ADAMTS17: variants seen among roughly 807,000 people sequenced by gnomAD.
The protein encoded by ADAMTS17 is A disintegrin and metalloproteinase with thrombospondin motifs 17.
A neutral mutation model predicts 141.5 loss-of-function variants in ADAMTS17; 113 were observed. The ratio of observed to expected loss-of-function variants is 0.80; its 90% confidence interval spans 0.69 to 0.93. The LOEUF is 0.93. Among genes scored for constraint, ADAMTS17 ranks in the 40% least tolerant of loss-of-function variants. The probability of loss-of-function intolerance (pLI) is 0.00; values close to 1 mark genes in which losing one functional copy is unlikely to be tolerated. For missense variants in ADAMTS17, 1,659 were observed against 1,517.9 expected (o/e 1.09, Z -1.54); for synonymous variants, 768 against 630.6 (o/e 1.22, Z -3.27).
intron 7 of ADAMTS17, among the ~76,000 whole-genome samples, chr15:100,210,035 C>T (rs1464734087): frequency 6.6e-6 from 1 of 151,994 alleles, no homozygotes; most frequent in Non-Finnish European, 1.5e-5. Context: ...GAGATCAAGA[C>T]CATCCTGGCT....
At chr15:100,199,197 T>C (rs1163596986) in intron 8 of ADAMTS17, 121 bp downstream of exon 8, 12 of 940,730 alleles carry the variant, frequency 1.3e-5, no homozygotes, top group South Asian at 1.2e-4. Context: ...CCTGGGTCCT[T>C]TATTGCAGAT....
At chr15:100,100,969 C>A (rs373654006) in intron 14 of ADAMTS17, among the ~76,000 whole-genome samples, 1 of 151,940 alleles carries the variant, frequency 6.6e-6, no homozygotes, top group African/African-American at 2.4e-5. Context: ...AGGTGGGCAA[C>A]CAGAATAGCC....
chr15:100,301,566 A>G (rs1271779704), intron 3 of ADAMTS17, among the ~76,000 whole-genome samples: 1 of 145,866 alleles, frequency 6.9e-6, no homozygotes, highest in African/African-American at 2.6e-5. Flanking sequence ...TGATCTCCTG[A>G]TGTTGTGATC....
intron 15 of ADAMTS17, among the ~76,000 whole-genome samples, chr15:100,060,873 C>T (rs1428875657): frequency 6.6e-6 from 1 of 152,220 alleles, no homozygotes; most frequent in Non-Finnish European, 1.5e-5. Context: ...CAAAGTTACA[C>T]TGGGTTGACT....
chr15:99,988,852 G>A (rs1332720038), intron 20 of ADAMTS17, among the ~76,000 whole-genome samples: 4 of 152,230 alleles, frequency 2.6e-5, no homozygotes, highest in Non-Finnish European at 4.4e-5. Flanking sequence ...AGTGAGCCAC[G>A]TGATGCATGA....
intron 12 of ADAMTS17, among the ~76,000 whole-genome samples, chr15:100,118,628 G>A (rs2037287884): frequency 6.6e-6 from 1 of 152,188 alleles, no homozygotes; most frequent in African/African-American, 2.4e-5. Context: ...TTAGGCAGAA[G>A]GGGCCTCGGA....
intron 15 of ADAMTS17, among the ~76,000 whole-genome samples, 168 bp downstream of exon 15, chr15:100,096,188 T>G (rs2035745493): frequency 6.6e-6 from 1 of 152,236 alleles, no homozygotes; most frequent in African/African-American, 2.4e-5. Context: ...GCATCATTCT[T>G]GCTAAAATGT....
chr15:100,222,830 C>G (rs1171710100), intron 7 of ADAMTS17, among the ~76,000 whole-genome samples: 2 of 152,160 alleles, frequency 1.3e-5, no homozygotes, highest in East Asian at 3.8e-4. Context: ...TAAGAGTGAC[C>G]AACTCGAATG....
intron 20 of ADAMTS17, among the ~76,000 whole-genome samples, chr15:99,981,405 C>T (rs1441071117): frequency 2.6e-5 from 4 of 152,152 alleles, no homozygotes; most frequent in Admixed American, 1.3e-4. Flanking sequence ...AGGGCTCTGC[C>T]CCTTGTAGGC....
intron 13 of ADAMTS17, among the ~76,000 whole-genome samples, chr15:100,110,516 G>A (rs899752031): frequency 3.3e-5 from 5 of 151,718 alleles, no homozygotes; most frequent in African/African-American, 4.8e-5. Flanking sequence ...TGCCTGCCTC[G>A]GCCTCCCAAA....
Position 100,073,734 on chromosome 15 carries a change from A to T in ADAMTS17, c.2138-19680T>A, listed in dbSNP as rs954813233. The stretch of plus-strand genomic sequence containing the variant: ...ACAATGAGAACACATGGATACAGGA[A>T]GGGGAACATCACACACTGGGGACTG... On this transcript the variant is annotated intron_variant, in intron 15 of 21. Coordinates refer to ENST00000268070, the MANE Select transcript of ADAMTS17 (RefSeq NM_139057.4). Among the ~76,000 whole-genome samples the T allele has an allele frequency of 4.8e-5, 6 of 124,942 alleles. No individual in the cohort carries two copies. The East Asian group carries it at 1.5e-3, about 31-fold the overall frequency. 82.0% of individuals were successfully genotyped at this position (124,942 alleles called of 152,430 possible).
intron 8 of ADAMTS17, among the ~76,000 whole-genome samples, chr15:100,179,236 G>A (rs972205030): frequency 3.9e-5 from 6 of 152,008 alleles, no homozygotes; most frequent in South Asian, 2.1e-4. Flanking sequence ...CCTATTACCC[G>A]TCTTAGCCTC....
chr15:99,973,848 A>G lies in ADAMTS17; in HGVS notation c.*554T>C. ...AGAGACTATGTTCTCAGAGACGGGC[A>G]TGGAGGCAACGTCCTGGTTCTCATG... On this transcript the variant is annotated 3_prime_UTR_variant, in exon 22 of 22. Coordinates refer to ENST00000268070, the MANE Select transcript of ADAMTS17 (RefSeq NM_139057.4). 2 of 191,302 alleles carry G rather than the reference A, an allele frequency of 1.0e-5. No individual in the cohort carries two copies. The highest frequency in any genetic ancestry group is 2.2e-5 in the Non-Finnish European group (2 of 91,608). The allele number at this position is 191,302 out of a possible 1,614,324, so 11.9% of individuals were successfully genotyped here.
At chr15:100,148,997 A>G (rs2141333934) in intron 10 of ADAMTS17, among the ~76,000 whole-genome samples, 1 of 152,360 alleles carries the variant, frequency 6.6e-6, no homozygotes, top group African/African-American at 2.4e-5. Context: ...GCAGGGGAGC[A>G]TAGGGCAGGA....
chr15:100,257,350 G>C (rs1014856431), intron 6 of ADAMTS17, among the ~76,000 whole-genome samples: 2 of 152,160 alleles, frequency 1.3e-5, no homozygotes, highest in Non-Finnish European at 2.9e-5. Context: ...CTTCCTGCCC[G>C]ACTCCACTGC....
chr15:100,114,126 T>A (rs555876849), intron 13 of ADAMTS17, among the ~76,000 whole-genome samples: 5 of 151,996 alleles, frequency 3.3e-5, no homozygotes, highest in Admixed American at 2.6e-4. Flanking sequence ...AATCCTCCCT[T>A]GGAAAATCTA....
chr15:100,071,315 A>C (rs2033954758), intron 15 of ADAMTS17, among the ~76,000 whole-genome samples: 1 of 150,088 alleles, frequency 6.7e-6, no homozygotes, highest in Non-Finnish European at 1.5e-5. Context: ...CCAGAGGTAC[A>C]AGGAGGAGCT....
chr15:100,048,748 A>C, intron 18 of ADAMTS17, 109 bp downstream of exon 18: 1 of 1,512,556 alleles, frequency 6.6e-7, no homozygotes, highest in South Asian at 1.1e-5. Flanking sequence ...CAATAACGGA[A>C]CACAGCATAG....
Position 100,255,617 on chromosome 15 carries a change from A to AACAC in ADAMTS17, c.1032-1442_1032-1439dup, listed in dbSNP as rs10529356. ...CCTTCCCAATTCTCGTGTTTTGAGC[A>AACAC]ACACACACACACACACACACACACA... On this transcript the variant is annotated intron_variant, in intron 6 of 21. Coordinates refer to ENST00000268070, the MANE Select transcript of ADAMTS17 (RefSeq NM_139057.4). 9.5e-3 allele frequency among the ~76,000 whole-genome samples: 1,328 copies of AACAC among 140,290 alleles called. 15 individuals carry two copies. The highest frequency in any genetic ancestry group is 0.014 in the Non-Finnish European group (907 of 65,358). 92.0% of individuals were successfully genotyped at this position (140,290 alleles called of 152,430 possible). A position where few individuals can be genotyped will look rare whatever the true frequency, so the allele number is the denominator to read the frequency against.
Sources: allele counts gnomAD v4.1 joint callset (sites outside exome capture counted in the v4.1 genomes callset), GRCh38; gene constraint gnomAD v4.1.1; transcripts MANE v1.5; gene names NCBI Gene and HGNC (gene_info 2026-07-23, HGNC 2026-07-21).